Variants in DNM1L observed in about 807,000 individuals in gnomAD.
DNM1L encodes the protein dynamin-1-like protein.
A neutral mutation model predicts 92.8 loss-of-function variants in DNM1L; 33 were observed. The ratio of observed to expected loss-of-function variants is 0.36; its 90% confidence interval spans 0.27 to 0.48. The LOEUF (loss-of-function observed/expected upper bound fraction) is 0.48. Ranked by LOEUF, DNM1L falls within the 20% of genes least tolerant of loss-of-function variation. The pLI, the probability that DNM1L is intolerant of heterozygous loss-of-function variation, is 0.99. For synonymous variants in DNM1L, 284 were observed against 305.0 expected (o/e 0.93, Z 0.72); for missense variants, 485 against 888.8 (o/e 0.55, Z 5.78).
rs778539947 is a variant in DNM1L at position 32,731,841 on chromosome 12, C to G, written c.1357-13C>G. ...AAAAACAAACACGTTTTTCTTTCAT[C>G]TACCATTTGTAGGAATTGTTACGAT... On this transcript the variant is annotated splice_polypyrimidine_tract_variant and intron_variant, in intron 11 of 19. Transcript: ENST00000549701. The surrounding 1 kb of genome is among the most constrained non-coding windows in gnomAD (Gnocchi z 5.1). The G allele has an allele frequency of 6.3e-7, 1 of 1,598,426 alleles. No individual in the cohort carries two copies.
Position 32,735,873 on chromosome 12 carries a change from T to A in DNM1L, c.1540-1232T>A, listed in dbSNP as rs146411951. Among the ~76,000 whole-genome samples, 595 of 151,902 alleles carry A rather than the reference T, an allele frequency of 3.9e-3. 4 individuals are homozygous for A. Among genetic ancestry groups the A allele is most frequent in the African/African-American group, 0.013 (557 of 41,462 alleles). On this transcript the variant is annotated intron_variant, in intron 13 of 19. Coordinates refer to ENST00000549701, the MANE Select transcript of DNM1L (RefSeq NM_012062.5). ...GCCTGGGCGACAGAGCGAGACTCCA[T>A]TTCAACAAAAAACAAAAACAAAATC...
At chr12:32,683,882 T>G (rs953765213) in intron 1 of DNM1L, among the ~76,000 whole-genome samples, 4 of 152,066 alleles carry the variant, frequency 2.6e-5, no homozygotes, top group South Asian at 2.1e-4. Flanking sequence ...TTTTACAACG[T>G]TGGCCAGACT....
chr12:32,718,064 T>A (rs1307799079), intron 6 of DNM1L, among the ~76,000 whole-genome samples: 16 of 134,778 alleles, frequency 1.2e-4, no homozygotes, highest in Non-Finnish European at 1.8e-4. Context: ...TATACATATT[T>A]TATATATATA....
chr12:32,713,335 G>C lies in DNM1L; in HGVS notation c.583G>C (p.Glu195Gln). 6.2e-7 allele frequency: 1 copy of C among 1,613,890 alleles called. No homozygotes were observed. Among genetic ancestry groups the C allele is most frequent in the Non-Finnish European group, 8.5e-7 (1 of 1,179,940 alleles). ...TGCTAATACAGATATGGCAACATCA[G>C]AGGCACTTAAAATTTCAAGAGAGGT... is the stretch of plus-strand genomic sequence containing the variant. ...TAANTDMATSEALKISREVDP... is the reference protein window; with the variant it reads ...TAANTDMATSQALKISREVDP... Residue 195 changes from glutamate (E) to glutamine (Q), a missense_variant, in exon 6 of 20, where the codon GAG becomes CAG. Coordinates refer to ENST00000549701, the MANE Select transcript of DNM1L (RefSeq NM_012062.5).
rs898190198 is a variant in DNM1L at position 32,716,695 on chromosome 12, C to G, written c.620-1948C>G. ...ACAAAAAATTACATGTGAAAAAAAT[C>G]TATTTTATATATATACTATATATAG... On this transcript the variant is annotated intron_variant, in intron 6 of 19. Transcript: ENST00000549701. 4.1e-5 allele frequency among the ~76,000 whole-genome samples: 6 copies of G among 145,598 alleles called. No individual in the cohort carries two copies. In the Admixed American group the frequency reaches 4.2e-4, roughly 10 times the overall value.
chr12:32,687,392 G>A (rs1952058056), intron 1 of DNM1L, among the ~76,000 whole-genome samples: 1 of 152,000 alleles, frequency 6.6e-6, no homozygotes, highest in African/African-American at 2.4e-5. Flanking sequence ...TGGAGAGACT[G>A]TTCTTTCCCC....
rs191084732 is a variant in DNM1L, at chr12:32,679,339, A to G, written c.-25A>G. Reference sequence around the variant, plus strand: ...CCATTCATTGCCGTGGCCGGCGGGCACTGGGGCCCCGTGTTTTCAGAGTCA... The same window carrying G: ...CCATTCATTGCCGTGGCCGGCGGGCGCTGGGGCCCCGTGTTTTCAGAGTCA... On this transcript the variant is annotated 5_prime_UTR_variant, in exon 1 of 20. Coordinates refer to ENST00000549701, the MANE Select transcript of DNM1L (RefSeq NM_012062.5). 4.4e-4 allele frequency: 685 copies of G among 1,569,678 alleles called. 1 individual carries two copies. In the African/African-American group the frequency reaches 6.6e-3, roughly 15 times the overall value.
chr12:32,721,845 T>G (rs2137441833), intron 8 of DNM1L, among the ~76,000 whole-genome samples: 1 of 152,308 alleles, frequency 6.6e-6, no homozygotes, highest in Middle Eastern at 3.4e-3. Context: ...TTGATGAATT[T>G]GTTAGAGTGG....
At chr12:32,684,477 C>A (rs1010551642) in intron 1 of DNM1L, among the ~76,000 whole-genome samples, 2 of 146,094 alleles carry the variant, frequency 1.4e-5, no homozygotes, top group African/African-American at 5.0e-5. Flanking sequence ...CAACATAATT[C>A]TTTTTTTTTT....
chr12:32,724,050 C>T (rs1426604425), intron 9 of DNM1L, among the ~76,000 whole-genome samples: 1 of 152,170 alleles, frequency 6.6e-6, no homozygotes, highest in African/African-American at 2.4e-5. Context: ...CCACCCTCGC[C>T]ATCGTCAAAA....
intron 15 of DNM1L, 83 bp from the exon 16 acceptor site, chr12:32,738,181 T>C (rs1955033636): frequency 1.3e-6 from 2 of 1,510,344 alleles, no homozygotes; most frequent in Non-Finnish European, 1.8e-6. Context: ...AAAGAGGAAA[T>C]TATCCTGCAC....
chr12:32,713,621 AC>A (rs1953226574), intron 6 of DNM1L, among the ~76,000 whole-genome samples: 1 of 152,204 alleles, frequency 6.6e-6, no homozygotes, highest in African/African-American at 2.4e-5. Context: ...TAAAAATAAT[AC>A]GGTGGCTTTG....
intron 7 of DNM1L, among the ~76,000 whole-genome samples, chr12:32,719,955 A>G (rs1953732091): frequency 6.6e-6 from 1 of 152,222 alleles, no homozygotes; most frequent in Non-Finnish European, 1.5e-5. Context: ...TGAAATTATC[A>G]TGAAATCTGA....
At chr12:32,691,806 G>A (rs556378746) in intron 1 of DNM1L, among the ~76,000 whole-genome samples, 1 of 152,146 alleles carries the variant, frequency 6.6e-6, no homozygotes, top group Non-Finnish European at 1.5e-5. Flanking sequence ...GGAGAGAAAC[G>A]ATAATCCTAA....
At position 32,737,145 on chromosome 12, in the gene DNM1L, C is replaced by T. The variant is rs1466811479; in HGVS notation, c.1580C>T (p.Ala527Val). The part of the protein sequence containing the change: ...RNRLARELPS[A>V]VSRDKSSKVP... Reference sequence around the variant, plus strand: ...AGGCTAGCCAGAGAATTACCTTCAGCTGTATCACGAGACAAGGTAAAAAAA... The same window carrying T: ...AGGCTAGCCAGAGAATTACCTTCAGTTGTATCACGAGACAAGGTAAAAAAA... Residue 527 changes from alanine (A) to valine (V), a missense_variant, in exon 14 of 20, where the codon GCT (alanine) becomes GTT (valine). Coordinates refer to ENST00000549701, the MANE Select transcript of DNM1L (RefSeq NM_012062.5). The T allele has an allele frequency of 6.2e-7, 1 of 1,613,730 alleles. No homozygotes were observed. The highest frequency in any genetic ancestry group is 1.1e-5 in the South Asian group (1 of 91,076).
At chr12:32,738,189 C>T in intron 15 of DNM1L, 75 bp from the exon 16 acceptor site, 3 of 1,530,920 alleles carry the variant, frequency 2.0e-6, no homozygotes, top group South Asian at 2.3e-5. Flanking sequence ...AATTATCCTG[C>T]ACTTTTTGAA....
rs1278714704 is a variant in DNM1L, at chr12:32,731,341, GT to G, written c.1201-11del. 6 of 1,613,994 alleles carry G rather than the reference GT, an allele frequency of 3.7e-6. No homozygotes were observed. The highest frequency in any genetic ancestry group is 5.1e-6 in the Non-Finnish European group (6 of 1,180,026). On this transcript the variant is annotated splice_polypyrimidine_tract_variant and intron_variant, in intron 10 of 19. Transcript: ENST00000549701. This position sits in a 1 kb window ranked among gnomAD's most constrained non-coding sequence, Gnocchi z 5.1. Reference sequence around the variant, plus strand: ...ATTACATATATAATAAGAGTTCTAAGTTTTATTTTCTCAGGGTCCTCGTCCT... The same window carrying G: ...ATTACATATATAATAAGAGTTCTAAGTTTATTTTCTCAGGGTCCTCGTCCT...
At position 32,740,503 on chromosome 12, in the gene DNM1L, A is replaced by C. The variant is rs1388194070; in HGVS notation, c.1979A>C (p.Lys660Thr). The change falls in exon 18 of 20, where the codon AAG becomes ACG. Residue 660 changes from lysine to threonine, a missense_variant. By Grantham distance (78) the Lys-to-Thr change is moderately conservative (BLOSUM62 -1). Around this residue, in one of 11 missense-constraint regions of DNM1L, gnomAD observed 133 missense variants for 210.9 expected, o/e 0.63. Coordinates refer to ENST00000549701, the MANE Select transcript of DNM1L (RefSeq NM_012062.5). ...LIKSYFLIVRKNIQDSVPKAV... is the reference protein window; with the variant it reads ...LIKSYFLIVRTNIQDSVPKAV... The stretch of plus-strand genomic sequence containing the variant: ...AAATCATATTTTCTCATTGTCAGAA[A>C]GAATATTCAAGACAGGTTAGTATTA... The C allele has an allele frequency of 6.2e-7, 1 of 1,612,434 alleles. No individual in the cohort carries two copies. Among genetic ancestry groups the C allele is most frequent in the East Asian group, 2.2e-5 (1 of 44,858 alleles).
Position 32,743,613 on chromosome 12 carries a change from GT to G in DNM1L, c.*206del. On this transcript the variant is annotated 3_prime_UTR_variant, in exon 20 of 20. Transcript: ENST00000549701. ...CAAATAATAAATGGCTGTTTCTAAA[GT>G]TTCCCAGTATATATAAAATACATCA... The G allele has an allele frequency of 1.7e-6, 1 of 577,174 alleles. No individual in the cohort carries two copies. Among genetic ancestry groups the G allele is most frequent in the East Asian group, 2.9e-5 (1 of 34,624 alleles). The allele number at this position is 577,174 out of a possible 1,614,324, so 35.8% of individuals were successfully genotyped here. A position where few individuals can be genotyped will look rare whatever the true frequency, so the allele number is the denominator to read the frequency against.
Sources: gnomAD v4.1 joint callset for allele counts (sites outside exome capture counted in the v4.1 genomes callset) on GRCh38, gnomAD v4.1.1 for gene constraint, gnomAD v4.1.1 regional missense constraint, Gnocchi (gnomAD v3.1) non-coding constraint, MANE v1.5 for transcripts, NCBI Gene and HGNC (gene_info 2026-07-23, HGNC 2026-07-21) for gene names.